LDLRAD4: variants seen among roughly 807,000 people sequenced by gnomAD.
LDLRAD4 encodes low density lipoprotein receptor class A domain containing 4.
In LDLRAD4, 5 loss-of-function variants were observed where a neutral mutation model predicts 17.0. The ratio of observed to expected loss-of-function variants is 0.29; its 90% CI spans 0.15 to 0.62. The LOEUF (loss-of-function observed/expected upper bound fraction) is 0.62, where lower values mean the gene tolerates loss of function less well. Ranked by LOEUF, LDLRAD4 falls within the 20% of genes least tolerant of loss-of-function variation. LDLRAD4 has a pLI of 0.84. For missense variants in LDLRAD4, 340 were observed against 424.7 expected (o/e 0.80, Z 1.75); for synonymous variants, 168 against 171.8 (o/e 0.98, Z 0.17).
chr18:13,489,312 A>T (rs1205729785), intron 3 of LDLRAD4: 1 of 151,988 alleles, frequency 6.6e-6, no homozygotes, highest in Non-Finnish European at 1.5e-5. Flanking sequence ...ACACCACCAC[A>T]CCTGGCTGAT....
chr18:13,625,827 GC>G (rs200467557), intron 4 of LDLRAD4, among the ~76,000 whole-genome samples: 1,789 of 116,816 alleles, frequency 0.015, 23 homozygotes, highest in Non-Finnish European at 0.023. Context: ...CCCCGCCAGA[GC>G]CCTCCTCCCC....
intron 3 of LDLRAD4, 135 bp from the exon 5 acceptor site, chr18:13,620,982 T>C (rs1368367056): frequency 8.0e-7 from 1 of 1,248,104 alleles, no homozygotes; most frequent in African/African-American, 1.5e-5. Flanking sequence ...GTCGTTTCTG[T>C]GTCCTGCTGG....
At chr18:13,224,443 A>C (rs2041639632) in intron 1 of LDLRAD4, among the ~76,000 whole-genome samples, 1 of 150,358 alleles carries the variant, frequency 6.7e-6, no homozygotes, top group Non-Finnish European at 1.5e-5. Flanking sequence ...TCATCCCAGG[A>C]CAAAGAGCAC....
At chr18:13,612,183 G>A (rs1032715589) in intron 3 of LDLRAD4, 9 of 987,410 alleles carry the variant, frequency 9.1e-6, no homozygotes, top group African/African-American at 8.7e-5. Flanking sequence ...ATATTTGCCT[G>A]TTGAAAAGAT....
At chr18:13,559,706 C>T (rs1182503352) in intron 3 of LDLRAD4, among the ~76,000 whole-genome samples, 1 of 152,186 alleles carries the variant, frequency 6.6e-6, no homozygotes, top group East Asian at 1.9e-4. Flanking sequence ...AGACCAACAT[C>T]ACACTCCCTG....
chr18:13,652,204 T>A (rs971667874), exon 6 of LDLRAD4: 1 of 152,246 alleles, frequency 6.6e-6, no homozygotes, highest in Non-Finnish European at 1.5e-5. Flanking sequence ...TGTTACCACA[T>A]CATTGCTTCC....
chr18:13,260,712 G>T (rs934578256), intron 1 of LDLRAD4, among the ~76,000 whole-genome samples: 2 of 152,180 alleles, frequency 1.3e-5, no homozygotes, highest in Non-Finnish European at 2.9e-5. Flanking sequence ...GACTGTCCTT[G>T]TATTTTTTTA....
chr18:13,296,116 C>T (rs1482341597), intron 1 of LDLRAD4, among the ~76,000 whole-genome samples: 5 of 152,252 alleles, frequency 3.3e-5, no homozygotes, highest in Non-Finnish European at 7.3e-5. Flanking sequence ...ATCCCTCCAG[C>T]GCGGTTTCAC....
intron 4 of LDLRAD4, among the ~76,000 whole-genome samples, chr18:13,625,373 T>G (rs1331945282): frequency 2.0e-5 from 3 of 152,100 alleles, no homozygotes; most frequent in Non-Finnish European, 2.9e-5. Context: ...AGTTTTGGTT[T>G]GGAGGAGGAG....
At chr18:13,292,483 C>T (rs1261203995) in intron 1 of LDLRAD4, among the ~76,000 whole-genome samples, 1 of 152,128 alleles carries the variant, frequency 6.6e-6, no homozygotes, top group Non-Finnish European at 1.5e-5. Flanking sequence ...GTGGGTTAGC[C>T]CTTACAATAT....
At chr18:13,568,956 T>TCATGAA (rs1162385918) in intron 3 of LDLRAD4, among the ~76,000 whole-genome samples, 2 of 152,210 alleles carry the variant, frequency 1.3e-5, no homozygotes, top group African/African-American at 4.8e-5. Flanking sequence ...TGAAGGATGT[T>TCATGAA]GGCTCCTCTC....
At chr18:13,242,962 G>A (rs567670676) in intron 1 of LDLRAD4, among the ~76,000 whole-genome samples, 1 of 152,176 alleles carries the variant, frequency 6.6e-6, no homozygotes, top group East Asian at 1.9e-4. Context: ...CCCGGGCTGG[G>A]TGCTCTTCTC....
intron 1 of LDLRAD4, among the ~76,000 whole-genome samples, chr18:13,243,225 G>T (rs1324239305): frequency 2.0e-5 from 3 of 152,224 alleles, no homozygotes; most frequent in African/African-American, 7.2e-5. Flanking sequence ...AGGGCCCCTT[G>T]GAGGTGAGAG....
At chr18:13,574,768 A>G (rs1180258183) in intron 3 of LDLRAD4, among the ~76,000 whole-genome samples, 1 of 152,228 alleles carries the variant, frequency 6.6e-6, no homozygotes, top group Non-Finnish European at 1.5e-5. Context: ...AGTGTTGGAA[A>G]CAAAGAGCTT....
chr18:13,376,578 G>A (rs1469098123), intron 1 of LDLRAD4, among the ~76,000 whole-genome samples: 1 of 152,204 alleles, frequency 6.6e-6, no homozygotes, highest in Non-Finnish European at 1.5e-5. Flanking sequence ...TTCTGCGGGT[G>A]AGGGCACAGC....
At chr18:13,502,403 C>T (rs948679829) in intron 3 of LDLRAD4, among the ~76,000 whole-genome samples, 3 of 152,222 alleles carry the variant, frequency 2.0e-5, no homozygotes, top group Non-Finnish European at 4.4e-5. Flanking sequence ...AATTCTTTCA[C>T]ACACCCATAG....
At chr18:13,458,624 G>A (rs12604774) in intron 3 of LDLRAD4, among the ~76,000 whole-genome samples, 54,470 of 152,150 alleles carry the variant, frequency 0.36, 10,926 homozygotes, top group Non-Finnish European at 0.44. Flanking sequence ...TGGAACCTGT[G>A]AATATGTTAC....
intron 1 of LDLRAD4, among the ~76,000 whole-genome samples, chr18:13,222,219 G>A (rs924320961): frequency 6.6e-6 from 1 of 151,898 alleles, no homozygotes; most frequent in Non-Finnish European, 1.5e-5. Flanking sequence ...CATTTACTTG[G>A]CATCGGAAAA....
chr18:13,449,675 C>G (rs765103432), intron 3 of LDLRAD4, among the ~76,000 whole-genome samples: 17 of 152,254 alleles, frequency 1.1e-4, no homozygotes, highest in Non-Finnish European at 2.4e-4. Flanking sequence ...CCTTATCTAT[C>G]TCTTCATTGT....
Sources: allele counts gnomAD v4.1 joint callset (sites outside exome capture counted in the v4.1 genomes callset), GRCh38; gene constraint gnomAD v4.1.1; transcripts MANE v1.5; gene names NCBI Gene and HGNC (gene_info 2026-07-23, HGNC 2026-07-21).